The following CALN1 variants were observed in gnomAD, a reference collection of about 807,000 sequenced individuals.
CALN1 encodes the protein calcium-binding protein 8.
In CALN1, 17 loss-of-function variants were observed where a neutral mutation model predicts 30.6. The observed-to-expected ratio is 0.56, with a 90% CI of 0.38 to 0.83. CALN1 has a LOEUF of 0.83. Ranked by LOEUF, CALN1 falls within the 40% of genes least tolerant of loss-of-function variation. CALN1 has a pLI of 0.00. For missense variants in CALN1, 291 were observed against 354.9 expected, an observed-to-expected ratio of 0.82 and a Z score of 1.45; for synonymous variants, 156 against 131.4, an observed-to-expected ratio of 1.19 and a Z score of -1.28.
chr7:72,034,352 T>TG (rs1801649731), intron 4 of CALN1, among the ~76,000 whole-genome samples: 1 of 65,052 alleles, frequency 1.5e-5, no homozygotes, highest in Non-Finnish European at 3.4e-5. Context: ...AGACTCTGTC[T>TG]CAAAAAAAAA....
intron 2 of CALN1, among the ~76,000 whole-genome samples, chr7:72,330,854 C>G (rs911141368): frequency 3.3e-5 from 5 of 152,300 alleles, no homozygotes; most frequent in South Asian, 2.1e-4. Flanking sequence ...AGTGGGAAGG[C>G]AAACCAGTTA....
At chr7:72,281,105 T>C (rs113039383) in intron 2 of CALN1, among the ~76,000 whole-genome samples, 2,417 of 151,918 alleles carry the variant, frequency 0.016, 33 homozygotes, top group African/African-American at 0.032. Context: ...AACCATGCCA[T>C]TGCTCTCCAG....
rs149066726 is a variant in CALN1 at position 71,782,891 on chromosome 7, C to T, written c.*4884G>A. On this transcript the variant is annotated 3_prime_UTR_variant, in exon 7 of 7. Coordinates refer to ENST00000395275, the MANE Select transcript of CALN1 (RefSeq NM_031468.4). ...CAGAGTAGCTAGGATTACAGGTGCC[C>T]GACACCATGCTTGGCTAATTTTTGT... 6.2e-3 allele frequency: 942 copies of T among 152,040 alleles called. 9 individuals are homozygous for T. The highest frequency in any genetic ancestry group is 9.4e-3 in the Non-Finnish European group (642 of 67,994). The allele number at this position is 152,040 out of a possible 1,614,324, so 9.4% of individuals were successfully genotyped here.
intron 5 of CALN1, among the ~76,000 whole-genome samples, chr7:72,019,250 G>A (rs1800574019): frequency 6.6e-6 from 1 of 152,098 alleles, no homozygotes; most frequent in Non-Finnish European, 1.5e-5. Context: ...CTCTAAGGTA[G>A]GAAGAAACCC....
At chr7:71,986,772 T>C (rs1490573303) in intron 5 of CALN1, among the ~76,000 whole-genome samples, 2 of 152,218 alleles carry the variant, frequency 1.3e-5, no homozygotes, top group Non-Finnish European at 2.9e-5. Context: ...ATTTGTTATA[T>C]AACATGGTGT....
chr7:72,374,590 G>T (rs1804438577), intron 2 of CALN1, among the ~76,000 whole-genome samples: 1 of 150,244 alleles, frequency 6.7e-6, no homozygotes, highest in Admixed American at 6.6e-5. Flanking sequence ...AAATACAAAG[G>T]CACTTTCTCA....
Position 72,294,314 on chromosome 7 carries a change from A to T in CALN1, c.120-15504T>A, listed in dbSNP as rs146839634. Among the ~76,000 whole-genome samples, 18 of 152,308 alleles carry T rather than the reference A, an allele frequency of 1.2e-4. No individual in the cohort carries two copies. In the East Asian group the frequency reaches 3.3e-3, roughly 28 times the overall value. On this transcript the variant is annotated intron_variant, in intron 2 of 6. Coordinates refer to ENST00000395275, the MANE Select transcript of CALN1 (RefSeq NM_031468.4). The stretch of plus-strand genomic sequence containing the variant: ...CTCACTTCAAACAATTCAAACTAAA[A>T]AACATTGAAGTACAGTGAAGTCCAA...
chr7:71,985,442 A>T (rs1798612863), intron 5 of CALN1, among the ~76,000 whole-genome samples: 1 of 152,116 alleles, frequency 6.6e-6, no homozygotes, highest in Non-Finnish European at 1.5e-5. Context: ...CCAGCAGTTG[A>T]AGACCAGCCT....
intron 4 of CALN1, among the ~76,000 whole-genome samples, chr7:72,076,258 T>A (rs779293922): frequency 6.6e-6 from 1 of 151,458 alleles, no homozygotes; most frequent in African/African-American, 2.4e-5. Context: ...GTAACAAACC[T>A]GCACATCCTG....
At chr7:72,130,346 T>C (rs1404137669) in intron 3 of CALN1, among the ~76,000 whole-genome samples, 3 of 152,156 alleles carry the variant, frequency 2.0e-5, no homozygotes, top group Admixed American at 6.5e-5. Context: ...ACCTGCAAGA[T>C]GTATTGTTAA....
At chr7:72,254,269 G>C (rs988161124) in intron 3 of CALN1, among the ~76,000 whole-genome samples, 1 of 152,174 alleles carries the variant, frequency 6.6e-6, no homozygotes, top group African/African-American at 2.4e-5. Flanking sequence ...CAATTTTATA[G>C]CTGCCTTCTC....
At chr7:72,342,222 G>A (rs1222792262) in intron 2 of CALN1, among the ~76,000 whole-genome samples, 1 of 147,202 alleles carries the variant, frequency 6.8e-6, no homozygotes, top group Non-Finnish European at 1.5e-5. Flanking sequence ...TCACACCACT[G>A]CACTCCAACT....
intron 4 of CALN1, among the ~76,000 whole-genome samples, chr7:72,076,853 C>T (rs147234567): frequency 1.3e-3 from 201 of 152,196 alleles, no homozygotes; most frequent in Non-Finnish European, 2.5e-3. Flanking sequence ...GGAACAGAAA[C>T]AAGTTGAAAA....
chr7:72,100,207 G>A (rs538799704), intron 4 of CALN1, among the ~76,000 whole-genome samples: 22 of 151,934 alleles, frequency 1.4e-4, no homozygotes, highest in South Asian at 4.2e-4. Flanking sequence ...TACCCGGGCT[G>A]GAGTGCAGTG....
chr7:72,165,225 G>C (rs1016193820), intron 3 of CALN1, among the ~76,000 whole-genome samples: 4 of 152,136 alleles, frequency 2.6e-5, no homozygotes, highest in Non-Finnish European at 5.9e-5. Flanking sequence ...TTTCTTCAAG[G>C]CAACTGCCCA....
At chr7:72,188,661 C>T (rs1195451313) in intron 3 of CALN1, among the ~76,000 whole-genome samples, 1 of 152,054 alleles carries the variant, frequency 6.6e-6, no homozygotes, top group African/African-American at 2.4e-5. Flanking sequence ...AGAACTTACT[C>T]ACGTAACCAA....
intron 3 of CALN1, among the ~76,000 whole-genome samples, chr7:72,116,995 G>A (rs1046516130): frequency 6.6e-6 from 1 of 152,114 alleles, no homozygotes; most frequent in African/African-American, 2.4e-5. Flanking sequence ...AAGTGGAGGT[G>A]CTTACAGGTC....
At chr7:72,039,234 C>A (rs1801980271) in intron 4 of CALN1, among the ~76,000 whole-genome samples, 2 of 152,140 alleles carry the variant, frequency 1.3e-5, no homozygotes, top group African/African-American at 4.8e-5. Context: ...TCATCAAGAG[C>A]AAAGGAAGGA....
chr7:72,307,090 T>C (rs1322841559), intron 2 of CALN1, among the ~76,000 whole-genome samples: 1 of 152,190 alleles, frequency 6.6e-6, no homozygotes, highest in Non-Finnish European at 1.5e-5. Flanking sequence ...GCCAGACTTC[T>C]GTTTTTGGTT....
Sources: gnomAD v4.1 joint callset for allele counts (sites outside exome capture counted in the v4.1 genomes callset) on GRCh38, gnomAD v4.1.1 for gene constraint, MANE v1.5 for transcripts, NCBI Gene and HGNC (gene_info 2026-07-23, HGNC 2026-07-21) for gene names.